The following KLF9 variants were observed in gnomAD, a reference collection of about 807,000 sequenced individuals.
KLF9 encodes the protein Krueppel-like factor 9.
In KLF9, 2 loss-of-function variants were observed where a neutral mutation model predicts 17.3. The ratio of observed to expected loss-of-function variants is 0.12; its 90% confidence interval spans 0.05 to 0.36. KLF9 has a LOEUF of 0.36. Among genes scored for constraint, KLF9 ranks in the 10% least tolerant of loss-of-function variants. The probability of loss-of-function intolerance (pLI) is 1.00; values close to 1 mark genes in which losing one functional copy is unlikely to be tolerated. For missense variants in KLF9, 226 were observed against 333.2 expected, an observed-to-expected ratio of 0.68 and a Z score of 2.51; for synonymous variants, 138 against 139.2, an observed-to-expected ratio of 0.99 and a Z score of 0.06.
rs531085565 is a variant in KLF9, at chr9:70,397,353, T to C, written c.506-9348A>G. Among the ~76,000 whole-genome samples the C allele has an allele frequency of 5.3e-5, 8 of 152,096 alleles. No homozygotes were observed. The East Asian group carries it at 1.6e-3, about 29-fold the overall frequency. ...AGCCAGGCATGGTGGCACATGCCTG[T>C]AATCCCAGCTACTCGGGAGGCTGAG... On this transcript the variant is annotated intron_variant, in intron 1 of 1. Coordinates refer to ENST00000377126, the MANE Select transcript of KLF9 (RefSeq NM_001206.4).
At chr9:70,412,182 T>C (rs1305660728) in intron 1 of KLF9, among the ~76,000 whole-genome samples, 1 of 63,832 alleles carries the variant, frequency 1.6e-5, no homozygotes, top group Non-Finnish European at 2.6e-5. Flanking sequence ...CTAAGTCACA[T>C]GGCCAAAAAA....
At position 70,387,541 on chromosome 9, in the gene KLF9, G is replaced by T; in HGVS notation, c.*235C>A. ...GCCTTCCCTCCAACAGTCAGAGACGGGTTCAGAGAGTTGCCTCTTCAAGGG... is the reference window on the plus strand; with the variant it reads ...GCCTTCCCTCCAACAGTCAGAGACGTGTTCAGAGAGTTGCCTCTTCAAGGG... On this transcript the variant is annotated 3_prime_UTR_variant, in exon 2 of 2. Coordinates refer to ENST00000377126, the MANE Select transcript of KLF9 (RefSeq NM_001206.4). 1.9e-6 allele frequency: 1 copy of T among 522,176 alleles called. No homozygotes were observed. The highest frequency in any genetic ancestry group is 2.4e-5 in the South Asian group (1 of 41,344). 32.3% of individuals were successfully genotyped at this position (522,176 alleles called of 1,614,324 possible).
At chr9:70,405,446 T>C (rs2037249670) in intron 1 of KLF9, among the ~76,000 whole-genome samples, 1 of 152,230 alleles carries the variant, frequency 6.6e-6, no homozygotes, top group African/African-American at 2.4e-5. Flanking sequence ...AGGATTGGCC[T>C]TTCTCCTGTT....
chr9:70,395,886 G>A (rs1425632657), intron 1 of KLF9, among the ~76,000 whole-genome samples: 1 of 152,160 alleles, frequency 6.6e-6, no homozygotes, highest in Non-Finnish European at 1.5e-5. Context: ...AGTAAGCTGA[G>A]ATTGTGTCAC....
In KLF9 at chr9:70,412,753, G is replaced by C. The variant is rs921717006; in HGVS notation, c.505+106C>G. ...AGTTAAACCGCATCTTATCCAACAT[G>C]TTTGCACCCTTTCGGCCGAGTGCAG... On this transcript the variant is annotated intron_variant, in intron 1 of 1. Transcript: ENST00000377126. 8 of 1,054,704 alleles carry C rather than the reference G, an allele frequency of 7.6e-6. No individual in the cohort carries two copies. In the Admixed American group the frequency reaches 1.9e-4, roughly 25 times the overall value. 65.3% of individuals were successfully genotyped at this position (1,054,704 alleles called of 1,614,324 possible). A position where few individuals can be genotyped will look rare whatever the true frequency, so the allele number is the denominator to read the frequency against.
rs1215358896 is a variant in KLF9 at position 70,387,323 on chromosome 9, G to A, written c.*453C>T. 6.1e-6 allele frequency: 1 copy of A among 163,674 alleles called. No individual in the cohort carries two copies. The highest frequency in any genetic ancestry group is 2.4e-5 in the African/African-American group (1 of 41,530). The allele number at this position is 163,674 out of a possible 1,614,324, so 10.1% of individuals were successfully genotyped here. Reference sequence around the variant, plus strand: ...ATTCTGAGAGACAGCAAGCATAAAGGGCCCAGAATCACTGTGCGAGGCCAC... The same window carrying A: ...ATTCTGAGAGACAGCAAGCATAAAGAGCCCAGAATCACTGTGCGAGGCCAC... On this transcript the variant is annotated 3_prime_UTR_variant, in exon 2 of 2. Coordinates refer to ENST00000377126, the MANE Select transcript of KLF9 (RefSeq NM_001206.4).
In KLF9 at chr9:70,401,197, A is replaced by C. The variant is rs565124771; in HGVS notation, c.505+11662T>G. ...AAAAAAAAAAAAAAAAAATTTTTTAAATTAGCTGGGCATGGTGGTGCGTGC... is the reference window on the plus strand; with the variant it reads ...AAAAAAAAAAAAAAAAAATTTTTTACATTAGCTGGGCATGGTGGTGCGTGC... On this transcript the variant is annotated intron_variant, in intron 1 of 1. Coordinates refer to ENST00000377126, the MANE Select transcript of KLF9 (RefSeq NM_001206.4). Among the ~76,000 whole-genome samples, 464 of 151,940 alleles carry C rather than the reference A, an allele frequency of 3.1e-3. 2 individuals are homozygous for C. The highest frequency in any genetic ancestry group is 0.01 in the African/African-American group (422 of 41,442).
chr9:70,409,064 ATATATGTGTATATATATACACATATATG>A lies in KLF9; in HGVS notation c.505+3767_505+3794del, dbSNP rs1488023871. ...TATATATATATACATATATGTGTAT[ATATATGTGTATATATATACACATATATG>A]TATATATATGTGTATATATATACAT... On this transcript the variant is annotated intron_variant, in intron 1 of 1. Coordinates refer to ENST00000377126, the MANE Select transcript of KLF9 (RefSeq NM_001206.4). 4.7e-4 allele frequency among the ~76,000 whole-genome samples: 51 copies of A among 108,498 alleles called. 4 individuals are homozygous for A. The highest frequency in any genetic ancestry group is 1.3e-3 in the African/African-American group (42 of 31,206). The allele number at this position is 108,498 out of a possible 152,430, so 71.2% of individuals were successfully genotyped here. A position where few individuals can be genotyped will look rare whatever the true frequency, so the allele number is the denominator to read the frequency against.
At chr9:70,403,170 A>C (rs1397770670) in intron 1 of KLF9, among the ~76,000 whole-genome samples, 1 of 152,188 alleles carries the variant, frequency 6.6e-6, no homozygotes, top group African/African-American at 2.4e-5. Context: ...AAATAAAAAT[A>C]AATAACTAAC....
chr9:70,409,200 G>GTATATATATATACATATATGTATATA lies in KLF9; in HGVS notation c.505+3633_505+3658dup, dbSNP rs1564089448. The stretch of plus-strand genomic sequence containing the variant: ...TATATGTATACATATACATGTATAT[G>GTATATATATATACATATATGTATATA]TATATATATATACATATATGTATAT... On this transcript the variant is annotated intron_variant, in intron 1 of 1. Transcript: ENST00000377126. Among the ~76,000 whole-genome samples the GTATATATATATACATATATGTATATA allele has an allele frequency of 8.4e-5, 10 of 118,642 alleles. No homozygotes were observed. In the East Asian group the frequency reaches 2.2e-3, roughly 26 times the overall value. The allele number at this position is 118,642 out of a possible 152,430, so 77.8% of individuals were successfully genotyped here. A position where few individuals can be genotyped will look rare whatever the true frequency, so the allele number is the denominator to read the frequency against.
rs575065970 is a variant in KLF9, at chr9:70,405,536, C to T, written c.505+7323G>A. 2.6e-5 allele frequency among the ~76,000 whole-genome samples: 4 copies of T among 152,290 alleles called. No individual in the cohort carries two copies. In the East Asian group the frequency reaches 7.7e-4, roughly 29 times the overall value. On this transcript the variant is annotated intron_variant, in intron 1 of 1. Transcript: ENST00000377126. ...ATTAAAAAATAAACAAATTCAAAGG[C>T]CCAGCAGCAGCAGCTCTGGCTTAGA...
intron 1 of KLF9, among the ~76,000 whole-genome samples, chr9:70,391,643 T>A (rs2037153949): frequency 6.6e-6 from 1 of 152,256 alleles, no homozygotes; most frequent in Non-Finnish European, 1.5e-5. Context: ...TCATTTTGAT[T>A]TATCTGGCAT....
intron 1 of KLF9, among the ~76,000 whole-genome samples, chr9:70,400,740 C>A (rs982303190): frequency 2.0e-5 from 3 of 152,150 alleles, no homozygotes; most frequent in African/African-American, 7.2e-5. Context: ...TGTATGCACA[C>A]CACAGTATGG....
intron 1 of KLF9, among the ~76,000 whole-genome samples, chr9:70,406,209 G>A (rs2037253845): frequency 6.6e-6 from 1 of 152,184 alleles, no homozygotes; most frequent in South Asian, 2.1e-4. Flanking sequence ...CTTGAAGCTA[G>A]GGGCTTTAGC....
In KLF9 at chr9:70,385,249, C is replaced by CA; in HGVS notation, c.*2526dup. ...TGAACTCTAGTAGTCCTATTTGAAC[C>CA]ATATCTTGATATAGTAAATCTAATT... is the stretch of plus-strand genomic sequence containing the variant. On this transcript the variant is annotated 3_prime_UTR_variant, in exon 2 of 2. Coordinates refer to ENST00000377126, the MANE Select transcript of KLF9 (RefSeq NM_001206.4). 1 of 152,450 alleles carries CA rather than the reference C, an allele frequency of 6.6e-6. No homozygotes were observed. The highest frequency in any genetic ancestry group is 1.5e-5 in the Non-Finnish European group (1 of 68,008). The allele number at this position is 152,450 out of a possible 1,614,324, so 9.4% of individuals were successfully genotyped here. A position where few individuals can be genotyped will look rare whatever the true frequency, so the allele number is the denominator to read the frequency against.
At chr9:70,398,645 C>T (rs1313871292) in intron 1 of KLF9, among the ~76,000 whole-genome samples, 1 of 151,996 alleles carries the variant, frequency 6.6e-6, no homozygotes, top group Non-Finnish European at 1.5e-5. Context: ...GCACCTGCCA[C>T]CATGCCCAGC....
rs76862223 is a variant in KLF9, at chr9:70,405,699, T to C, written c.505+7160A>G. ...AAAAGAGAAGGCTTCGGGCACACCATCAAAAAGGCTTTGGACACACATGGC... is the reference window on the plus strand; with the variant it reads ...AAAAGAGAAGGCTTCGGGCACACCACCAAAAAGGCTTTGGACACACATGGC... On this transcript the variant is annotated intron_variant, in intron 1 of 1. Coordinates refer to ENST00000377126, the MANE Select transcript of KLF9 (RefSeq NM_001206.4). Among the ~76,000 whole-genome samples the C allele has an allele frequency of 5.4e-3, 819 of 151,986 alleles. 11 individuals are homozygous for C. Among genetic ancestry groups the C allele is most frequent in the African/African-American group, 0.019 (778 of 41,456 alleles).
intron 1 of KLF9, among the ~76,000 whole-genome samples, chr9:70,389,652 C>A (rs1325953194): frequency 1.3e-5 from 2 of 152,244 alleles, no homozygotes; most frequent in Non-Finnish European, 2.9e-5. Flanking sequence ...CTGCTCCCCA[C>A]CCCACAAGAT....
At position 70,385,366 on chromosome 9, in the gene KLF9, A is replaced by G. The variant is rs1350456532; in HGVS notation, c.*2410T>C. The G allele has an allele frequency of 6.5e-6, 1 of 152,690 alleles. No homozygotes were observed. Among genetic ancestry groups the G allele is most frequent in the African/African-American group, 2.4e-5 (1 of 41,468 alleles). 9.5% of individuals were successfully genotyped at this position (152,690 alleles called of 1,614,324 possible). A position where few individuals can be genotyped will look rare whatever the true frequency, so the allele number is the denominator to read the frequency against. ...AGTTTATACGTTACATTACTATAAC[A>G]TATAAGAGAATATCAAATGTGTGTT... On this transcript the variant is annotated 3_prime_UTR_variant, in exon 2 of 2. Transcript: ENST00000377126.
Sources: gnomAD v4.1 joint callset for allele counts (sites outside exome capture counted in the v4.1 genomes callset) on GRCh38, gnomAD v4.1.1 for gene constraint, MANE v1.5 for transcripts, NCBI Gene and HGNC (gene_info 2026-07-23, HGNC 2026-07-21) for gene names.